Variants in CCDC85C observed in about 807,000 individuals in gnomAD.
CCDC85C encodes coiled-coil domain containing 85C, also known as coiled-coil domain-containing protein 85C.
CCDC85C carries 18 observed loss-of-function variants against 38.3 expected under a neutral mutation model. That is an observed-to-expected ratio of 0.47 (90% confidence interval 0.33 to 0.70). The LOEUF (loss-of-function observed/expected upper bound fraction) is 0.70. CCDC85C is among the 30% of genes least tolerant of loss of function. The pLI is 0.03. For missense variants in CCDC85C, 566 were observed against 621.2 expected (o/e 0.91, Z 0.94); for synonymous variants, 264 against 293.8 (o/e 0.90, Z 1.04).
intron 1 of CCDC85C, among the ~76,000 whole-genome samples, chr14:99,562,471 TG>T (rs761784344): frequency 9.9e-5 from 15 of 152,184 alleles, no homozygotes; most frequent in Non-Finnish European, 1.3e-4. Context: ...CCACCCTCAC[TG>T]TACAGGCACA....
chr14:99,572,626 G>A lies in CCDC85C; in HGVS notation c.793+30541C>T, dbSNP rs1458595392. On this transcript the variant is annotated intron_variant, in intron 1 of 5. Coordinates refer to ENST00000380243, the MANE Select transcript of CCDC85C (RefSeq NM_001144995.2). This position sits in a 1 kb window ranked among gnomAD's most constrained non-coding sequence, Gnocchi z 4.4. ...CCTTTGCTGGAAACCTTCCAGGGAC[G>A]ACAGCTGCTTATCATCCAAGCCCCA... 2.2e-5 allele frequency: 10 copies of A among 453,776 alleles called. No homozygotes were observed. Among genetic ancestry groups the A allele is most frequent in the Admixed American group, 9.4e-5 (4 of 42,492 alleles). The allele number at this position is 453,776 out of a possible 1,614,324, so 28.1% of individuals were successfully genotyped here.
rs995335047 is a variant in CCDC85C at position 99,500,293 on chromosome 14, C to T, written c.*14953G>A. Reference sequence around the variant, plus strand: ...CTATATGTGTACATGAGTATATATACACACACATACACACACACTGGTACA... The same window carrying T: ...CTATATGTGTACATGAGTATATATATACACACATACACACACACTGGTACA... On this transcript the variant is annotated 3_prime_UTR_variant, in exon 6 of 6. Transcript: ENST00000380243. The T allele has an allele frequency of 1.2e-5, 2 of 168,458 alleles. No homozygotes were observed. Among genetic ancestry groups the T allele is most frequent in the Non-Finnish European group, 2.5e-5 (2 of 78,594 alleles). 10.4% of individuals were successfully genotyped at this position (168,458 alleles called of 1,614,324 possible).
intron 2 of CCDC85C, among the ~76,000 whole-genome samples, chr14:99,530,468 G>A (rs1038190812): frequency 2.0e-5 from 3 of 152,176 alleles, no homozygotes; most frequent in Non-Finnish European, 2.9e-5. Context: ...GGACCACCGC[G>A]ACGCCAGCAT....
In CCDC85C at chr14:99,603,733, C is replaced by T. The variant is rs1330687600; in HGVS notation, c.227G>A (p.Arg76Gln). 1.3e-6 allele frequency: 2 copies of T among 1,520,588 alleles called. No individual in the cohort carries two copies. The highest frequency in any genetic ancestry group is 2.0e-5 in the Admixed American group (1 of 49,592). 94.2% of individuals were successfully genotyped at this position (1,520,588 alleles called of 1,614,324 possible). Residue 76 changes from arginine to glutamine, a missense_variant, in exon 1 of 6, where the codon CGG (arginine) becomes CAG (glutamine). Around this residue, in one of 3 missense-constraint regions of CCDC85C, gnomAD observed 269 missense variants for 308.2 expected, o/e 0.87. Transcript: ENST00000380243. This position sits in a 1 kb window ranked among gnomAD's most constrained non-coding sequence, Gnocchi z 7.5. ...CAGCTCCTGGTTGTCGTCCTGCAGC[C>T]GCTGGTTCACGTCCTTGAGGCCGCG... ...EIRGLKDVNQ[R>Q]LQDDNQELRE... is the part of the protein sequence containing the mutation.
rs1027502283 is a variant in CCDC85C at position 99,548,441 on chromosome 14, G to C, written c.794-12353C>G. On this transcript the variant is annotated intron_variant, in intron 1 of 5. Transcript: ENST00000380243. The surrounding 1 kb of genome is among the most constrained non-coding windows in gnomAD (Gnocchi z 4.9). ...GGCCACACAGGGGATGCTGATGATCGGCGCAGCGGATCAGAGAGCAGCCTG... is the reference window on the plus strand; with the variant it reads ...GGCCACACAGGGGATGCTGATGATCCGCGCAGCGGATCAGAGAGCAGCCTG... Among the ~76,000 whole-genome samples the C allele has an allele frequency of 9.9e-5, 15 of 151,972 alleles. No individual in the cohort carries two copies. The East Asian group carries it at 2.9e-3, about 29-fold the overall frequency.
chr14:99,534,031 G>A (rs1289728841), intron 2 of CCDC85C, among the ~76,000 whole-genome samples: 2 of 152,310 alleles, frequency 1.3e-5, no homozygotes, highest in South Asian at 2.1e-4. Context: ...GCTGCTCTCT[G>A]GTTGGACCGC....
intron 1 of CCDC85C, among the ~76,000 whole-genome samples, chr14:99,546,443 C>T: frequency 6.6e-6 from 1 of 152,066 alleles, no homozygotes; most frequent in Admixed American, 6.5e-5. Flanking sequence ...TCAGGGAAGG[C>T]ACTTGATCTG....
rs1449222724 is a variant in CCDC85C, at chr14:99,588,038, A to G, written c.793+15129T>C. Among the ~76,000 whole-genome samples, 3 of 151,844 alleles carry G rather than the reference A, an allele frequency of 2.0e-5. No individual in the cohort carries two copies. The highest frequency in any genetic ancestry group is 4.4e-5 in the Non-Finnish European group (3 of 67,950). On this transcript the variant is annotated intron_variant, in intron 1 of 5. Coordinates refer to ENST00000380243, the MANE Select transcript of CCDC85C (RefSeq NM_001144995.2). This position sits in a 1 kb window ranked among gnomAD's most constrained non-coding sequence, Gnocchi z 5.0. ...AGCTCGCCTGTGCCTGCCAGCCCTC[A>G]CTTGAATCCCCTTCCACACCCCCAG...
chr14:99,540,132 G>A lies in CCDC85C; in HGVS notation c.794-4044C>T, dbSNP rs145966303. 1.9e-3 allele frequency among the ~76,000 whole-genome samples: 275 copies of A among 148,240 alleles called. 2 individuals are homozygous for A. The highest frequency in any genetic ancestry group is 3.3e-3 in the Non-Finnish European group (223 of 66,692). On this transcript the variant is annotated intron_variant, in intron 1 of 5. Transcript: ENST00000380243. The stretch of plus-strand genomic sequence containing the variant: ...CACTGCAGTCCAGATGGGCGACAGA[G>A]CGAGACTGTCTTTAAAAAAAAAGGG...
In CCDC85C at chr14:99,503,219, T is replaced by C; in HGVS notation, c.*12027A>G. 1 of 679,544 alleles carries C rather than the reference T, an allele frequency of 1.5e-6. No homozygotes were observed. The allele number at this position is 679,544 out of a possible 1,614,324, so 42.1% of individuals were successfully genotyped here. On this transcript the variant is annotated 3_prime_UTR_variant, in exon 6 of 6. Transcript: ENST00000380243. The stretch of plus-strand genomic sequence containing the variant: ...TGCCCGGCTCCAGCCCTGCTGCCTG[T>C]TTCATCCCTGCCAGGGTTCTGAAGC...
chr14:99,572,370 C>T lies in CCDC85C; in HGVS notation c.793+30797G>A, dbSNP rs571286490. 1.8e-4 allele frequency among the ~76,000 whole-genome samples: 27 copies of T among 152,316 alleles called. No individual in the cohort carries two copies. Among genetic ancestry groups the T allele is most frequent in the African/African-American group, 2.9e-4 (12 of 41,582 alleles). On this transcript the variant is annotated intron_variant, in intron 1 of 5. Coordinates refer to ENST00000380243, the MANE Select transcript of CCDC85C (RefSeq NM_001144995.2). The surrounding 1 kb of genome is among the most constrained non-coding windows in gnomAD (Gnocchi z 4.4). Reference sequence around the variant, plus strand: ...ATGTGGCCTTCCTCACGGGACACTGCGGGCGCTGCGGGCTAGTGTCTCAGC... The same window carrying T: ...ATGTGGCCTTCCTCACGGGACACTGTGGGCGCTGCGGGCTAGTGTCTCAGC...
Position 99,555,251 on chromosome 14 carries a change from C to T in CCDC85C, c.794-19163G>A, listed in dbSNP as rs11850629. On this transcript the variant is annotated intron_variant, in intron 1 of 5. Transcript: ENST00000380243. ...CTCCTGGTCTCAACAGGGAGGATGG[C>T]GTGGGCCCTCAGAGCCTCATGGGAT... Among the ~76,000 whole-genome samples, 1,206 of 152,260 alleles carry T rather than the reference C, an allele frequency of 7.9e-3. 16 individuals carry two copies. The highest frequency in any genetic ancestry group is 0.027 in the African/African-American group (1,142 of 41,552).
In CCDC85C at chr14:99,502,561, A is replaced by G; in HGVS notation, c.*12685T>C. On this transcript the variant is annotated 3_prime_UTR_variant, in exon 6 of 6. Coordinates refer to ENST00000380243, the MANE Select transcript of CCDC85C (RefSeq NM_001144995.2). ...CAAACACATACTTTTGGTAAACTAAAAATACACACCAGTGTTGCACACAAC... is the reference window on the plus strand; with the variant it reads ...CAAACACATACTTTTGGTAAACTAAGAATACACACCAGTGTTGCACACAAC... The G allele has an allele frequency of 8.2e-7, 1 of 1,225,726 alleles. No homozygotes were observed. The highest frequency in any genetic ancestry group is 1.1e-6 in the Non-Finnish European group (1 of 891,752). 75.9% of individuals were successfully genotyped at this position (1,225,726 alleles called of 1,614,324 possible). A position where few individuals can be genotyped will look rare whatever the true frequency, so the allele number is the denominator to read the frequency against.
In CCDC85C at chr14:99,509,825, G is replaced by T; in HGVS notation, c.*5421C>A. Reference sequence around the variant, plus strand: ...TTTCTGAAGGCAGAAAAACAGAGGAGCCCCCACACGTTTTGCACTAGGAAG... The same window carrying T: ...TTTCTGAAGGCAGAAAAACAGAGGATCCCCCACACGTTTTGCACTAGGAAG... On this transcript the variant is annotated 3_prime_UTR_variant, in exon 6 of 6. Coordinates refer to ENST00000380243, the MANE Select transcript of CCDC85C (RefSeq NM_001144995.2). 2 of 381,598 alleles carry T rather than the reference G, an allele frequency of 5.2e-6. No individual in the cohort carries two copies. The highest frequency in any genetic ancestry group is 9.4e-6 in the Non-Finnish European group (2 of 211,870). The allele number at this position is 381,598 out of a possible 1,614,324, so 23.6% of individuals were successfully genotyped here.
chr14:99,510,216 G>T lies in CCDC85C; in HGVS notation c.*5030C>A, dbSNP rs1897087447. On this transcript the variant is annotated 3_prime_UTR_variant, in exon 6 of 6. Coordinates refer to ENST00000380243, the MANE Select transcript of CCDC85C (RefSeq NM_001144995.2). ...GGCTGAGCCGCCGGGCCCTGTGGAT[G>T]CCACTGACCTCCCCAAAGTCCAGAT... 1.3e-6 allele frequency: 2 copies of T among 1,596,884 alleles called. No individual in the cohort carries two copies. Among genetic ancestry groups the T allele is most frequent in the African/African-American group, 1.3e-5 (1 of 74,616 alleles).
At chr14:99,601,109 G>C (rs569512959) in intron 1 of CCDC85C, among the ~76,000 whole-genome samples, 1 of 152,210 alleles carries the variant, frequency 6.6e-6, no homozygotes, top group South Asian at 2.1e-4. Context: ...ATTTACATTA[G>C]TGGGACCACA....
chr14:99,566,022 T>C (rs1251417863), intron 1 of CCDC85C, among the ~76,000 whole-genome samples: 1 of 152,224 alleles, frequency 6.6e-6, no homozygotes, highest in East Asian at 1.9e-4. Context: ...TGGGCACCGC[T>C]GACCATGAGG....
chr14:99,579,296 T>A (rs2139973525), intron 1 of CCDC85C, among the ~76,000 whole-genome samples: 1 of 152,312 alleles, frequency 6.6e-6, no homozygotes, highest in East Asian at 1.9e-4. Flanking sequence ...ACAGGCACCG[T>A]CCTGGACGCA....
chr14:99,540,387 T>A (rs1897688647), intron 1 of CCDC85C, among the ~76,000 whole-genome samples: 1 of 152,076 alleles, frequency 6.6e-6, no homozygotes, highest in African/African-American at 2.4e-5. Flanking sequence ...AGGCGGGGGC[T>A]GGAGGGCAGG....
Sources: gnomAD v4.1 joint callset for allele counts (sites outside exome capture counted in the v4.1 genomes callset) on GRCh38, gnomAD v4.1.1 for gene constraint, gnomAD v4.1.1 regional missense constraint, Gnocchi (gnomAD v3.1) non-coding constraint, MANE v1.5 for transcripts, NCBI Gene and HGNC (gene_info 2026-07-23, HGNC 2026-07-21) for gene names.